The following RIMS1 variants were observed in gnomAD, a reference collection of about 807,000 sequenced individuals.
The protein encoded by RIMS1 is regulating synaptic membrane exocytosis protein 1.
In RIMS1, 83 loss-of-function variants were observed where a neutral mutation model predicts 214.1. That is an observed-to-expected ratio of 0.39 (90% CI 0.32 to 0.47). RIMS1 has a LOEUF of 0.47. Ranked by LOEUF, RIMS1 falls within the 20% of genes least tolerant of loss-of-function variation. The pLI is 0.99. For synonymous variants in RIMS1, 793 were observed against 786.8 expected (o/e 1.01, Z -0.13); for missense variants, 2,050 against 2,161.8 (o/e 0.95, Z 1.03).
chr6:72,049,925 T>C (rs1010662319), intron 2 of RIMS1, among the ~76,000 whole-genome samples: 21 of 152,152 alleles, frequency 1.4e-4, no homozygotes, highest in African/African-American at 4.6e-4. Flanking sequence ...TCTTTTTAAG[T>C]GTAAAATTGA....
intron 29 of RIMS1, among the ~76,000 whole-genome samples, chr6:72,356,308 A>G (rs1193887597): frequency 6.6e-6 from 1 of 152,006 alleles, no homozygotes; most frequent in Admixed American, 6.6e-5. Context: ...GTAAGTTTAA[A>G]AAAAAAAAAA....
chr6:72,264,626 T>C (rs1490526204), intron 19 of RIMS1, among the ~76,000 whole-genome samples: 1 of 152,320 alleles, frequency 6.6e-6, no homozygotes, highest in Admixed American at 6.5e-5. Flanking sequence ...ATTTTTACTT[T>C]TAGCTATGAG....
chr6:72,035,498 A>G (rs939112395), intron 2 of RIMS1, among the ~76,000 whole-genome samples: 1 of 152,126 alleles, frequency 6.6e-6, no homozygotes, highest in African/African-American at 2.4e-5. Flanking sequence ...ACAAATATCC[A>G]AGTTTCTGTC....
chr6:72,359,724 A>C (rs1234906284), intron 29 of RIMS1, among the ~76,000 whole-genome samples: 2 of 152,206 alleles, frequency 1.3e-5, no homozygotes, highest in African/African-American at 2.4e-5. Flanking sequence ...GTTCCTTTCC[A>C]GTTGAAAATC....
chr6:72,152,757 A>C (rs62408086), intron 4 of RIMS1, among the ~76,000 whole-genome samples: 6 of 135,182 alleles, frequency 4.4e-5, no homozygotes, highest in East Asian at 4.1e-4. Context: ...ATATGTATAT[A>C]TATGGAATAT....
intron 1 of RIMS1, among the ~76,000 whole-genome samples, chr6:71,902,110 A>T (rs554559962): frequency 6.6e-6 from 1 of 152,246 alleles, no homozygotes; most frequent in African/African-American, 2.4e-5. Context: ...GAAATCAAAG[A>T]AGGAGAGAAT....
chr6:72,158,893 C>T (rs1431598497), intron 4 of RIMS1, among the ~76,000 whole-genome samples: 1 of 140,194 alleles, frequency 7.1e-6, no homozygotes, highest in Non-Finnish European at 1.6e-5. Flanking sequence ...TTTATAGCAG[C>T]ATGATTTATA....
At chr6:72,228,795 T>A (rs576613713) in intron 6 of RIMS1, among the ~76,000 whole-genome samples, 1 of 152,060 alleles carries the variant, frequency 6.6e-6, no homozygotes, top group South Asian at 2.1e-4. Flanking sequence ...GGTTCCAAAA[T>A]TTCTCCACAT....
intron 1 of RIMS1, among the ~76,000 whole-genome samples, chr6:71,954,871 C>CCA (rs113212281): frequency 0.061 from 9,020 of 147,260 alleles, 464 homozygotes; most frequent in East Asian, 0.18. Context: ...CACACACACT[C>CCA]CACACACACA....
At chr6:72,189,769 A>G (rs1295704638) in intron 6 of RIMS1, among the ~76,000 whole-genome samples, 1 of 152,206 alleles carries the variant, frequency 6.6e-6, no homozygotes, top group Non-Finnish European at 1.5e-5. Flanking sequence ...CACTGTGTTC[A>G]TGGGCCCATT....
intron 2 of RIMS1, among the ~76,000 whole-genome samples, chr6:72,015,843 A>C (rs1430643934): frequency 2.0e-5 from 3 of 152,016 alleles, no homozygotes; most frequent in Admixed American, 6.6e-5. Context: ...GGAGAATGGC[A>C]TGAACCCGGG....
chr6:72,291,645 G>A (rs2154251567), intron 25 of RIMS1, among the ~76,000 whole-genome samples: 1 of 152,258 alleles, frequency 6.6e-6, no homozygotes, highest in South Asian at 2.1e-4. Flanking sequence ...TGAATAACTT[G>A]CCCAGGTAGA....
At chr6:72,063,268 G>A (rs1828396714) in intron 2 of RIMS1, among the ~76,000 whole-genome samples, 1 of 152,080 alleles carries the variant, frequency 6.6e-6, no homozygotes. Context: ...TGCACTTTAG[G>A]CAAAGCAGGC....
At chr6:72,200,397 G>T (rs1245298058) in intron 6 of RIMS1, among the ~76,000 whole-genome samples, 1 of 152,070 alleles carries the variant, frequency 6.6e-6, no homozygotes, top group Non-Finnish European at 1.5e-5. Flanking sequence ...TCTGCCCTGG[G>T]CCCTTTCCCA....
chr6:72,087,737 T>C (rs1221878741), intron 2 of RIMS1, among the ~76,000 whole-genome samples: 1 of 152,220 alleles, frequency 6.6e-6, no homozygotes, highest in East Asian at 1.9e-4. Context: ...TTCAGGATCA[T>C]ACTCATAAAG....
intron 5 of RIMS1, among the ~76,000 whole-genome samples, chr6:72,181,533 T>C (rs1271055595): frequency 6.6e-6 from 1 of 152,216 alleles, no homozygotes; most frequent in African/African-American, 2.4e-5. Context: ...AGTGAAAAAC[T>C]ATAAAAATTT....
rs182780631 is a variant in RIMS1 at position 72,377,993 on chromosome 6, A to G, written c.4367-12605A>G. Reference sequence around the variant, plus strand: ...ACATGCTGTCTGCCTCTCCATTGTGAATTGGGAAAATCATAAGCACTCAAG... The same window carrying G: ...ACATGCTGTCTGCCTCTCCATTGTGGATTGGGAAAATCATAAGCACTCAAG... On this transcript the variant is annotated intron_variant, in intron 29 of 33. Coordinates refer to ENST00000521978, the MANE Select transcript of RIMS1 (RefSeq NM_014989.7). 1.2e-3 allele frequency among the ~76,000 whole-genome samples: 181 copies of G among 152,228 alleles called. 1 individual carries two copies. The highest frequency in any genetic ancestry group is 4.0e-3 in the African/African-American group (165 of 41,532).
intron 28 of RIMS1, among the ~76,000 whole-genome samples, chr6:72,321,372 C>T (rs2096151978): frequency 6.6e-6 from 1 of 151,968 alleles, no homozygotes; most frequent in Non-Finnish European, 1.5e-5. Flanking sequence ...TGTATATCAG[C>T]TTTTGTTTAA....
chr6:72,283,958 C>T (rs1214096079), intron 23 of RIMS1, 89 bp from the exon 24 acceptor site: 1 of 1,026,268 alleles, frequency 9.7e-7, no homozygotes. Context: ...ATATAGTTGC[C>T]ATTTTTCATG....
Sources: gnomAD v4.1 joint callset for allele counts (sites outside exome capture counted in the v4.1 genomes callset) on GRCh38, gnomAD v4.1.1 for gene constraint, MANE v1.5 for transcripts, NCBI Gene and HGNC (gene_info 2026-07-23, HGNC 2026-07-21) for gene names.